Variants in COLEC12 observed in about 807,000 individuals in gnomAD.
COLEC12 encodes the protein collectin subfamily member 12.
Under a neutral mutation model 71.1 loss-of-function variants are expected in COLEC12, and 33 were observed. The observed-to-expected ratio is 0.46, with a 90% CI of 0.35 to 0.62. The LOEUF (loss-of-function observed/expected upper bound fraction) is 0.62. Ranked by LOEUF, COLEC12 falls within the 20% of genes least tolerant of loss-of-function variation. The pLI, the probability that COLEC12 is intolerant of heterozygous loss-of-function variation, is 0.00. For synonymous variants in COLEC12, 350 were observed against 353.0 expected, an observed-to-expected ratio of 0.99 and a Z score of 0.10; for missense variants, 765 against 916.1, an observed-to-expected ratio of 0.84 and a Z score of 2.13.
chr18:360,026 T>C (rs2143507139), intron 2 of COLEC12, among the ~76,000 whole-genome samples: 1 of 152,310 alleles, frequency 6.6e-6, no homozygotes, highest in East Asian at 1.9e-4. Context: ...CCTCTGGCTG[T>C]AGACACAAAG....
intron 2 of COLEC12, among the ~76,000 whole-genome samples, chr18:444,502 C>T (rs1916607473): frequency 6.6e-6 from 1 of 152,130 alleles, no homozygotes; most frequent in South Asian, 2.1e-4. Flanking sequence ...CCCATATTCA[C>T]ATTTCAATGT....
chr18:458,451 G>A (rs1046885249), intron 2 of COLEC12, among the ~76,000 whole-genome samples: 4 of 152,366 alleles, frequency 2.6e-5, no homozygotes, highest in African/African-American at 9.6e-5. Flanking sequence ...GGCTGAGGAG[G>A]GGAGAGGAGA....
intron 2 of COLEC12, among the ~76,000 whole-genome samples, chr18:405,884 G>T (rs1299967108): frequency 6.6e-6 from 1 of 152,022 alleles, no homozygotes; most frequent in African/African-American, 2.4e-5. Flanking sequence ...TCTTGAAAAG[G>T]GCTGGGTAAA....
At chr18:453,795 C>A (rs1916810138) in intron 2 of COLEC12, among the ~76,000 whole-genome samples, 1 of 152,114 alleles carries the variant, frequency 6.6e-6, no homozygotes, top group Admixed American at 6.5e-5. Context: ...AAAATCTGCT[C>A]CTCCCTTCAA....
At chr18:407,051 C>T (rs745788113) in intron 2 of COLEC12, among the ~76,000 whole-genome samples, 6 of 152,200 alleles carry the variant, frequency 3.9e-5, no homozygotes, top group Non-Finnish European at 5.9e-5. Context: ...TGGGCACAGT[C>T]GAAAGGCCTC....
chr18:340,707 G>A (rs1914231930), intron 5 of COLEC12, among the ~76,000 whole-genome samples: 1 of 152,176 alleles, frequency 6.6e-6, no homozygotes, highest in Non-Finnish European at 1.5e-5. Flanking sequence ...CAAGGTAGAG[G>A]AAAAACAGTG....
chr18:428,906 G>A (rs1355235193), intron 2 of COLEC12, among the ~76,000 whole-genome samples: 3 of 152,234 alleles, frequency 2.0e-5, no homozygotes, highest in African/African-American at 4.8e-5. Context: ...CACAAACACC[G>A]TAAAGGGGCT....
intron 2 of COLEC12, among the ~76,000 whole-genome samples, chr18:364,807 C>A (rs1009634649): frequency 3.0e-4 from 45 of 152,166 alleles, no homozygotes; most frequent in African/African-American, 9.6e-4. Context: ...GGGCCAGGAA[C>A]CCTCTCCTGG....
intron 5 of COLEC12, among the ~76,000 whole-genome samples, chr18:336,099 A>G (rs1212075428): frequency 6.6e-6 from 1 of 152,166 alleles, no homozygotes; most frequent in African/African-American, 2.4e-5. Flanking sequence ...ACTGAAGGAG[A>G]TTGATGTATT....
chr18:459,227 T>G (rs1476875050), intron 2 of COLEC12, among the ~76,000 whole-genome samples: 2 of 152,226 alleles, frequency 1.3e-5, no homozygotes, highest in Non-Finnish European at 2.9e-5. Context: ...ATGAGGGGTC[T>G]GGATTGATTC....
chr18:455,718 A>T (rs1463078458), intron 2 of COLEC12, among the ~76,000 whole-genome samples: 1 of 149,808 alleles, frequency 6.7e-6, no homozygotes, highest in African/African-American at 2.5e-5. Flanking sequence ...TCATTGTTCA[A>T]CTCCCACTTA....
chr18:480,635 A>G lies in COLEC12; in HGVS notation c.58+72T>C. 1 of 1,346,614 alleles carries G rather than the reference A, an allele frequency of 7.4e-7. No homozygotes were observed. Among genetic ancestry groups the G allele is most frequent in the East Asian group, 2.3e-5 (1 of 43,598 alleles). The allele number at this position is 1,346,614 out of a possible 1,614,324, so 83.4% of individuals were successfully genotyped here. A position where few individuals can be genotyped will look rare whatever the true frequency, so the allele number is the denominator to read the frequency against. ...TGAAGGGCCTGCCAGTGGCCTGCCA[A>G]TGGTCTCTGAGGGTTCGTGGCTGCA... On this transcript the variant is annotated intron_variant, in intron 2 of 9. Transcript: ENST00000400256. The surrounding 1 kb of genome is among the most constrained non-coding windows in gnomAD (Gnocchi z 4.1).
At chr18:476,770 C>T (rs75403815) in intron 2 of COLEC12, among the ~76,000 whole-genome samples, 7,049 of 152,264 alleles carry the variant, frequency 0.046, 235 homozygotes, top group Admixed American at 0.12. Context: ...CGTGGTAGTA[C>T]ATATCATATC....
intron 8 of COLEC12, among the ~76,000 whole-genome samples, chr18:329,911 T>A (rs1045595127): frequency 6.6e-6 from 1 of 152,074 alleles, no homozygotes; most frequent in African/African-American, 2.4e-5. Context: ...ACCACGTCTA[T>A]CCAAAAACTT....
At chr18:381,003 C>A (rs1283971539) in intron 2 of COLEC12, among the ~76,000 whole-genome samples, 1 of 152,074 alleles carries the variant, frequency 6.6e-6, no homozygotes, top group African/African-American at 2.4e-5. Flanking sequence ...GATGTTAATT[C>A]CATTTTTTAT....
chr18:464,073 G>C (rs551155998), intron 2 of COLEC12, among the ~76,000 whole-genome samples: 2 of 152,040 alleles, frequency 1.3e-5, no homozygotes, highest in African/African-American at 2.4e-5. Context: ...GCCTGTCCGC[G>C]TGTGCTCACT....
In COLEC12 at chr18:458,597, G is replaced by T. The variant is rs577602015; in HGVS notation, c.58+22110C>A. Among the ~76,000 whole-genome samples the T allele has an allele frequency of 1.1e-4, 16 of 152,378 alleles. No individual in the cohort carries two copies. The East Asian group carries it at 2.1e-3, about 20-fold the overall frequency. ...ATCGGTGGCAGCTCAAGACCTAGGA[G>T]CTGAGGACCCCCTGATGGGGTAGCT... On this transcript the variant is annotated intron_variant, in intron 2 of 9. Coordinates refer to ENST00000400256, the MANE Select transcript of COLEC12 (RefSeq NM_130386.3).
chr18:485,421 C>A (rs1917501700), intron 1 of COLEC12, among the ~76,000 whole-genome samples: 1 of 152,224 alleles, frequency 6.6e-6, no homozygotes, highest in South Asian at 2.1e-4. Flanking sequence ...GGGGAAGAAG[C>A]AACCTTAACA....
At chr18:397,663 T>C in intron 2 of COLEC12, among the ~76,000 whole-genome samples, 1 of 152,192 alleles carries the variant, frequency 6.6e-6, no homozygotes, top group Non-Finnish European at 1.5e-5. Context: ...AGTCTATCTT[T>C]AACCCATGGT....
Sources: gnomAD v4.1 joint callset for allele counts (sites outside exome capture counted in the v4.1 genomes callset) on GRCh38, gnomAD v4.1.1 for gene constraint, Gnocchi (gnomAD v3.1) non-coding constraint, MANE v1.5 for transcripts, NCBI Gene and HGNC (gene_info 2026-07-23, HGNC 2026-07-21) for gene names.